The following CDAN1 variants were observed in gnomAD, a reference collection of about 807,000 sequenced individuals.
CDAN1 encodes codanin 1.
Under a neutral mutation model 139.8 loss-of-function variants are expected in CDAN1, and 107 were observed. The ratio of observed to expected loss-of-function variants is 0.77; its 90% CI spans 0.65 to 0.90. The LOEUF (loss-of-function observed/expected upper bound fraction) is 0.90, where lower values mean the gene tolerates loss of function less well. Ranked by LOEUF, CDAN1 falls within the 40% of genes least tolerant of loss-of-function variation. CDAN1 has a pLI of 0.00. For missense variants in CDAN1, 1,667 were observed against 1,575.7 expected (o/e 1.06, Z -0.98); for synonymous variants, 776 against 660.6 (o/e 1.17, Z -2.68).
rs2061651708 is a variant in CDAN1 at position 42,733,998 on chromosome 15, T to C, written c.1307A>G (p.Glu436Gly). ...PSTQAVSFQP[E>G]TDNRANFSSD... ...GGAGAAGTTGGCACGATTGTCAGTC[T>C]CTGGCTGAAAGGAGACAGCTTGAGT... The change falls in exon 8 of 28, where the codon GAG (glutamate) becomes GGG (glycine). Residue 436 changes from glutamate to glycine, a missense_variant. Glu to Gly is a moderately conservative substitution (Grantham distance 98). Transcript: ENST00000356231. 1 of 1,614,060 alleles carries C rather than the reference T, an allele frequency of 6.2e-7. No individual in the cohort carries two copies. The highest frequency in any genetic ancestry group is 8.5e-7 in the Non-Finnish European group (1 of 1,180,010).
At position 42,728,594 on chromosome 15, in the gene CDAN1, AAAG is replaced by A; in HGVS notation, c.2804+55_2804+57del. The A allele has an allele frequency of 4.4e-6, 7 of 1,605,404 alleles. No homozygotes were observed. The South Asian group carries it at 7.7e-5, about 18-fold the overall frequency. On this transcript the variant is annotated intron_variant, in intron 20 of 27. Transcript: ENST00000356231. ...GAAAAAAGAGTAAGTGTGAAGGAGGAAAGAAAGGACAGAGAAAGCCAAGAGGAG... is the reference window on the plus strand; with the variant it reads ...GAAAAAAGAGTAAGTGTGAAGGAGGAAAAGGACAGAGAAAGCCAAGAGGAG...
At chr15:42,724,782 G>T in intron 27 of CDAN1, 166 bp from the exon 28 acceptor site, 1 of 935,004 alleles carries the variant, frequency 1.1e-6, no homozygotes, top group South Asian at 1.5e-5. Flanking sequence ...ACTCTGGGAG[G>T]CTGAAGTTAT....
In CDAN1 at chr15:42,729,561, T is replaced by G. The variant is rs746591130; in HGVS notation, c.2407+7A>C. 3 of 1,614,100 alleles carry G rather than the reference T, an allele frequency of 1.9e-6. No homozygotes were observed. The highest frequency in any genetic ancestry group is 2.5e-6 in the Non-Finnish European group (3 of 1,179,998). On this transcript the variant is annotated splice_region_variant and intron_variant, in intron 17 of 27. Transcript: ENST00000356231. Reference sequence around the variant, plus strand: ...CCAAGGACCGTCCAGGGAAGACCGGTGCTCACCGATGTAGGGGCAGCAGGT... The same window carrying G: ...CCAAGGACCGTCCAGGGAAGACCGGGGCTCACCGATGTAGGGGCAGCAGGT...
chr15:42,728,166 TGCCTGGCCTGCTAGCTGCAG>T lies in CDAN1; in HGVS notation c.2868+18_2868+37del, dbSNP rs745898297. 3.0e-5 allele frequency: 49 copies of T among 1,610,196 alleles called. No homozygotes were observed. Among genetic ancestry groups the T allele is most frequent in the Non-Finnish European group, 4.0e-5 (47 of 1,177,866 alleles). Reference sequence around the variant, plus strand: ...ACTACTCCGTGCACCTCCCCACAACTGCCTGGCCTGCTAGCTGCAGGCCTCCCTCACACGTACGGCTGCCG... The same window carrying T: ...ACTACTCCGTGCACCTCCCCACAACTGCCTCCCTCACACGTACGGCTGCCG... On this transcript the variant is annotated intron_variant, in intron 21 of 27. Transcript: ENST00000356231.
intron 2 of CDAN1, 104 bp from the exon 3 acceptor site, chr15:42,736,182 C>T (rs780949013): frequency 7.6e-6 from 12 of 1,572,404 alleles, no homozygotes; most frequent in Non-Finnish European, 1.0e-5. Flanking sequence ...CACAAAAACC[C>T]TCACCATCAC....
At chr15:42,724,773 C>G (rs2061500530) in intron 27 of CDAN1, 157 bp from the exon 28 acceptor site, 1 of 972,892 alleles carries the variant, frequency 1.0e-6, no homozygotes, top group African/African-American at 1.6e-5. Context: ...TTTGTTAGTA[C>G]TCTGGGAGGC....
In CDAN1 at chr15:42,724,550, G is replaced by A; in HGVS notation, c.3625C>T (p.Gln1209Ter). 6.4e-7 allele frequency: 1 copy of A among 1,560,422 alleles called. No individual in the cohort carries two copies. The highest frequency in any genetic ancestry group is 8.7e-7 in the Non-Finnish European group (1 of 1,151,288). ...FLAEPHLPEP[Q>*]LRACELVQPN... ...TGCACCAACTCACAGGCTCTTAGCT[G>A]GGGTTCTGGCAGGTGGGGCTCGGCT... The change falls in exon 28 of 28, where the codon CAG becomes TAG. Residue 1209 changes from glutamine (Q) to a stop codon, truncating the protein, a stop_gained. Coordinates refer to ENST00000356231, the MANE Select transcript of CDAN1 (RefSeq NM_138477.4). LOFTEE classifies it high-confidence loss of function.
intron 23 of CDAN1, 114 bp from the exon 24 acceptor site, chr15:42,726,531 T>G: frequency 4.5e-5 from 36 of 797,118 alleles, no homozygotes; most frequent in Non-Finnish European, 7.3e-5. Context: ...GGCCCCGGGA[T>G]ATGGTGAGTA....
intron 9 of CDAN1, 102 bp from the exon 10 acceptor site, chr15:42,732,510 G>T: frequency 1.9e-6 from 2 of 1,052,022 alleles, no homozygotes; most frequent in South Asian, 1.3e-5. Flanking sequence ...GTTTACCAGG[G>T]ACTTGAGCAG....
At position 42,735,662 on chromosome 15, in the gene CDAN1, T is replaced by C. The variant is rs752641116; in HGVS notation, c.791A>G (p.Gln264Arg). ...LRKERSKQLQ[Q>R]SPTPTCPTPE... ...GGTGGGACAGGTGGGGGTAGGTGAC[T>C]GCTGCAGCTGCTTAGAGCTATGGAA... The change falls in exon 4 of 28, where the codon CAG becomes CGG. Residue 264 changes from glutamine (Q) to arginine (R), a missense_variant. Gln to Arg is a conservative substitution (Grantham distance 43). Coordinates refer to ENST00000356231, the MANE Select transcript of CDAN1 (RefSeq NM_138477.4). 6.2e-7 allele frequency: 1 copy of C among 1,614,078 alleles called. No individual in the cohort carries two copies. Among genetic ancestry groups the C allele is most frequent in the East Asian group, 2.2e-5 (1 of 44,884 alleles).
At chr15:42,727,503 T>TGGACAGCAC in intron 23 of CDAN1, 118 bp downstream of exon 23, 1 of 945,788 alleles carries the variant, frequency 1.1e-6, no homozygotes, top group African/African-American at 1.6e-5. Context: ...GGGGACTAGC[T>TGGACAGCAC]GGACAGCACA....
rs1388411720 is a variant in CDAN1, at chr15:42,730,996, G to A, written c.1936C>T (p.Leu646=). ...GGAGGTTCAGGCCCCCGGTATGGCA[G>A]GAAAGCCACAAAGCCCAGGAATTTA... ...LAKFLGFVAF[L]PYRGPEPPPT... Residue 646 remains leucine (L), a synonymous_variant, in exon 13 of 28, where the codon CTG becomes TTG. Coordinates refer to ENST00000356231, the MANE Select transcript of CDAN1 (RefSeq NM_138477.4). 1 of 1,614,180 alleles carries A rather than the reference G, an allele frequency of 6.2e-7. No homozygotes were observed. Among genetic ancestry groups the A allele is most frequent in the Admixed American group, 1.7e-5 (1 of 60,034 alleles).
At chr15:42,736,135 C>T in intron 2 of CDAN1, 57 bp from the exon 3 acceptor site, 2 of 1,590,302 alleles carry the variant, frequency 1.3e-6, no homozygotes, top group African/African-American at 1.3e-5. Flanking sequence ...ATCTCCCCTC[C>T]ACCACCGCAA....
chr15:42,733,353 C>T (rs564615749), intron 8 of CDAN1, among the ~76,000 whole-genome samples, 167 bp from the exon 9 acceptor site: 1 of 152,124 alleles, frequency 6.6e-6, no homozygotes, highest in South Asian at 2.1e-4. Context: ...CAGCTCACTG[C>T]AACCTCCGCC....
rs749881716 is a variant in CDAN1 at position 42,728,010 on chromosome 15, A to G, written c.2892T>C (p.Ile964=). Residue 964 remains isoleucine, a synonymous_variant, in exon 22 of 28, where the codon ATT becomes ATC. Coordinates refer to ENST00000356231, the MANE Select transcript of CDAN1 (RefSeq NM_138477.4). ...CTTTCTCTGTTGCAAGCCCCACAGC[A>G]ATGTTCTCTGCACTGCTCAGAACCT... is the stretch of plus-strand genomic sequence containing the variant. The part of the protein sequence containing the change: ...PAAVLSSAEN[I]AVGLATEKAC... 1 of 1,614,128 alleles carries G rather than the reference A, an allele frequency of 6.2e-7. No homozygotes were observed. Among genetic ancestry groups the G allele is most frequent in the South Asian group, 1.1e-5 (1 of 91,084 alleles).
intron 20 of CDAN1, 83 bp downstream of exon 20, chr15:42,728,569 G>GA: frequency 4.5e-6 from 7 of 1,568,322 alleles, no homozygotes; most frequent in African/African-American, 1.4e-5. Context: ...AGAAGAAAGG[G>GA]AAAAAAGAGT....
rs753587409 is a variant in CDAN1 at position 42,736,409 on chromosome 15, C to A, written c.462G>T (p.Arg154Ser). 5.0e-6 allele frequency: 8 copies of A among 1,609,410 alleles called. No homozygotes were observed. In the South Asian group the frequency reaches 6.6e-5, roughly 13 times the overall value. Residue 154 changes from arginine to serine, a missense_variant, in exon 2 of 28, where the codon AGG becomes AGT. Arg to Ser is a moderately radical substitution (Grantham distance 110, BLOSUM62 -1). Transcript: ENST00000356231. The part of the protein sequence containing the change: ...SLPGAGGRRL[R>S]GSGSPSRPSL... ...TGGGGCGGCTGGGGCTGCCAGAGCCCCTAAGCCTCCGGCCCCCGGCTCCGG... is the reference window on the plus strand; with the variant it reads ...TGGGGCGGCTGGGGCTGCCAGAGCCACTAAGCCTCCGGCCCCCGGCTCCGG...
At chr15:42,731,898 G>C in intron 10 of CDAN1, 73 bp from the exon 11 acceptor site, 1 of 1,365,936 alleles carries the variant, frequency 7.3e-7, no homozygotes, top group East Asian at 2.3e-5. Context: ...AAAAAATAAG[G>C]AGAAAGTAAT....
In CDAN1 at chr15:42,732,347, T is replaced by C. The variant is rs2061624762; in HGVS notation, c.1519A>G (p.Lys507Glu). 2 of 1,614,010 alleles carry C rather than the reference T, an allele frequency of 1.2e-6. No individual in the cohort carries two copies. The highest frequency in any genetic ancestry group is 1.7e-6 in the Non-Finnish European group (2 of 1,179,994). Residue 507 changes from lysine (K) to glutamate (E), a missense_variant, in exon 10 of 28, where the codon AAA becomes GAA. By Grantham distance (56) the Lys-to-Glu change is moderately conservative. Around this residue, in one of 3 missense-constraint regions of CDAN1, gnomAD observed 244 missense variants for 309.4 expected, o/e 0.79. Transcript: ENST00000356231. ...SHSHFVRLFQ[K>E]QLLQMCQSPG... Reference sequence around the variant, plus strand: ...GGGGCTGTTACCTGGAGTAGTTGTTTTTGGAAAAGCCGAACAAAGTGGCTG... The same window carrying C: ...GGGGCTGTTACCTGGAGTAGTTGTTCTTGGAAAAGCCGAACAAAGTGGCTG...
Sources: gnomAD v4.1 joint callset for allele counts (sites outside exome capture counted in the v4.1 genomes callset) on GRCh38, gnomAD v4.1.1 for gene constraint, gnomAD v4.1.1 regional missense constraint, MANE v1.5 for transcripts, NCBI Gene and HGNC (gene_info 2026-07-23, HGNC 2026-07-21) for gene names.